Variants in AGBL4 observed in about 807,000 individuals in gnomAD.
AGBL4 encodes AGBL carboxypeptidase 4.
A neutral mutation model predicts 66.4 loss-of-function variants in AGBL4; 58 were observed. The ratio of observed to expected loss-of-function variants is 0.87; its 90% confidence interval spans 0.71 to 1.09. The LOEUF (loss-of-function observed/expected upper bound fraction) is 1.09, where lower values mean the gene tolerates loss of function less well. Ranked by LOEUF, AGBL4 falls within the 50% of genes least tolerant of loss-of-function variation. The pLI, the probability that AGBL4 is intolerant of heterozygous loss-of-function variation, is 0.00. For missense variants in AGBL4, 579 were observed against 631.0 expected, an observed-to-expected ratio of 0.92 and a Z score of 0.88; for synonymous variants, 234 against 222.9, an observed-to-expected ratio of 1.05 and a Z score of -0.44.
intron 3 of AGBL4, among the ~76,000 whole-genome samples, chr1:49,457,714 A>C (rs952315544): frequency 6.6e-6 from 1 of 151,724 alleles, no homozygotes; most frequent in Admixed American, 6.6e-5. Context: ...TAAGTCTTTG[A>C]TCCATCTTTA....
chr1:49,686,377 T>G (rs1646788568), intron 3 of AGBL4, among the ~76,000 whole-genome samples: 1 of 152,340 alleles, frequency 6.6e-6, no homozygotes, highest in South Asian at 2.1e-4. Flanking sequence ...AACAATGCCA[T>G]TGGCCTAGTT....
At chr1:48,705,191 A>T (rs1365078953) in intron 6 of AGBL4, among the ~76,000 whole-genome samples, 1 of 152,210 alleles carries the variant, frequency 6.6e-6, no homozygotes, top group East Asian at 1.9e-4. Context: ...AGTACTTTAA[A>T]CTTCTATATT....
intron 5 of AGBL4, among the ~76,000 whole-genome samples, chr1:48,938,424 G>A (rs539836481): frequency 6.6e-6 from 1 of 152,226 alleles, no homozygotes; most frequent in East Asian, 1.9e-4. Flanking sequence ...TACTATAAAG[G>A]GGGGAACACA....
rs187600567 is a variant in AGBL4 at position 48,917,003 on chromosome 1, C to T, written c.595-49773G>A. 2.6e-3 allele frequency among the ~76,000 whole-genome samples: 392 copies of T among 151,982 alleles called. 1 individual carries two copies. Among genetic ancestry groups the T allele is most frequent in the African/African-American group, 9.1e-3 (376 of 41,454 alleles). ...TGTTTATATTTAAAATATGAAATTA[C>T]ATTAAGAATTCAGCAGTAGCAGAAA... On this transcript the variant is annotated intron_variant, in intron 5 of 13. Coordinates refer to ENST00000371839, the MANE Select transcript of AGBL4 (RefSeq NM_032785.4).
intron 2 of AGBL4, among the ~76,000 whole-genome samples, chr1:49,708,251 C>A (rs548282020): frequency 6.6e-6 from 1 of 152,056 alleles, no homozygotes; most frequent in African/African-American, 2.4e-5. Flanking sequence ...TTATTCATTC[C>A]TTTTCATTCT....
chr1:49,520,393 C>G (rs1244411895), intron 3 of AGBL4, among the ~76,000 whole-genome samples: 1 of 152,038 alleles, frequency 6.6e-6, no homozygotes, highest in Non-Finnish European at 1.5e-5. Context: ...AACTGAACTT[C>G]AACTCAACTC....
chr1:48,613,967 G>A (rs1645279801), intron 9 of AGBL4, among the ~76,000 whole-genome samples: 1 of 152,186 alleles, frequency 6.6e-6, no homozygotes, highest in African/African-American at 2.4e-5. Flanking sequence ...CTGTGTTAGT[G>A]GGCATTTTAA....
intron 5 of AGBL4, among the ~76,000 whole-genome samples, chr1:48,931,746 C>A (rs915841454): frequency 5.9e-5 from 9 of 152,070 alleles, no homozygotes; most frequent in Admixed American, 3.3e-4. Flanking sequence ...AGGGCTCAAG[C>A]GATCTGCCAG....
chr1:49,744,218 T>C (rs1392664251), intron 2 of AGBL4, among the ~76,000 whole-genome samples: 2 of 152,078 alleles, frequency 1.3e-5, no homozygotes, highest in African/African-American at 2.4e-5. Context: ...TAGCACCATC[T>C]CCTTGATGTT....
intron 4 of AGBL4, among the ~76,000 whole-genome samples, chr1:49,202,269 C>A (rs528356427): frequency 6.6e-6 from 1 of 151,970 alleles, no homozygotes; most frequent in Non-Finnish European, 1.5e-5. Context: ...TCGCTATTTG[C>A]AATATATATA....
intron 4 of AGBL4, among the ~76,000 whole-genome samples, chr1:49,119,812 C>T (rs1468594371): frequency 6.6e-6 from 1 of 152,148 alleles, no homozygotes; most frequent in Admixed American, 6.5e-5. Flanking sequence ...GTGTAGGAGT[C>T]TAAGTCTCTT....
chr1:49,704,189 G>A (rs188926869), intron 2 of AGBL4, among the ~76,000 whole-genome samples: 120 of 151,998 alleles, frequency 7.9e-4, no homozygotes, highest in African/African-American at 2.3e-3. Context: ...TACATTGTAC[G>A]CAAAAATGTA....
chr1:49,371,817 CTGTGTGTGTGTGTGTGTGTGTGTGTGTG>C (rs55882947), intron 3 of AGBL4, among the ~76,000 whole-genome samples: 1 of 139,978 alleles, frequency 7.1e-6, no homozygotes, highest in Admixed American at 7.2e-5. Flanking sequence ...TTTTCAAACT[CTGTGTGTGTGTGTGTGTGTGTGTGTGTG>C]TGTGTGTGTG....
intron 4 of AGBL4, among the ~76,000 whole-genome samples, chr1:49,131,631 T>C (rs1054228408): frequency 6.6e-6 from 1 of 151,950 alleles, no homozygotes. Flanking sequence ...CATGCACAAA[T>C]ACCCAGAAAC....
At chr1:49,824,311 GATATGGTT>G (rs1447166251) in intron 2 of AGBL4, among the ~76,000 whole-genome samples, 2 of 152,160 alleles carry the variant, frequency 1.3e-5, no homozygotes, top group African/African-American at 4.8e-5. Flanking sequence ...AGAAGTACAG[GATATGGTT>G]CTTGGGCTGA....
intron 1 of AGBL4, among the ~76,000 whole-genome samples, chr1:49,881,126 C>G (rs564868669): frequency 1.3e-5 from 2 of 152,140 alleles, no homozygotes; most frequent in Admixed American, 6.6e-5. Flanking sequence ...TCTTCTGCGT[C>G]GCTCACGCTG....
chr1:48,692,201 C>G (rs1388241470), intron 6 of AGBL4, among the ~76,000 whole-genome samples: 1 of 152,120 alleles, frequency 6.6e-6, no homozygotes, highest in Non-Finnish European at 1.5e-5. Context: ...GACCCTTTAC[C>G]AAGTCCCTGA....
chr1:49,776,092 A>G (rs535392131), intron 2 of AGBL4, among the ~76,000 whole-genome samples: 1 of 152,272 alleles, frequency 6.6e-6, no homozygotes, highest in African/African-American at 2.4e-5. Context: ...GCTGAGTAAT[A>G]GAGTATACGT....
intron 3 of AGBL4, among the ~76,000 whole-genome samples, chr1:49,437,490 C>G (rs1035064871): frequency 1.3e-5 from 2 of 152,056 alleles, no homozygotes; most frequent in Admixed American, 1.3e-4. Flanking sequence ...CAAAGGAAAA[C>G]CATTATTTGT....
Sources: allele counts gnomAD v4.1 joint callset (sites outside exome capture counted in the v4.1 genomes callset), GRCh38; gene constraint gnomAD v4.1.1; transcripts MANE v1.5; gene names NCBI Gene and HGNC (gene_info 2026-07-23, HGNC 2026-07-21).